ASXL3: variants seen among roughly 807,000 people sequenced by gnomAD.
The protein encoded by ASXL3 is ASXL transcriptional regulator 3, also known as putative Polycomb group protein ASXL3.
Under a neutral mutation model 170.6 loss-of-function variants are expected in ASXL3, and 34 were observed. The ratio of observed to expected loss-of-function variants is 0.20; its 90% CI spans 0.15 to 0.27. The LOEUF is 0.27. Among genes scored for constraint, ASXL3 ranks in the 10% least tolerant of loss-of-function variants. The pLI is 1.00. For synonymous variants in ASXL3, 1,002 were observed against 989.1 expected, an observed-to-expected ratio of 1.01 and a Z score of -0.24; for missense variants, 2,592 against 2,695.3, an observed-to-expected ratio of 0.96 and a Z score of 0.85.
chr18:33,604,278 A>G (rs2065219815), intron 1 of ASXL3, among the ~76,000 whole-genome samples: 1 of 152,078 alleles, frequency 6.6e-6, no homozygotes, highest in African/African-American at 2.4e-5. Flanking sequence ...TGTATTAGCA[A>G]TAGAACGTGG....
intron 8 of ASXL3, among the ~76,000 whole-genome samples, chr18:33,720,924 T>C (rs2067247468): frequency 6.6e-6 from 1 of 152,142 alleles, no homozygotes; most frequent in Non-Finnish European, 1.5e-5. Flanking sequence ...TAATATTGAA[T>C]GAAAGCTTAA....
intron 1 of ASXL3, 56 bp from the exon 2 acceptor site, chr18:33,607,538 T>G: frequency 7.3e-7 from 1 of 1,365,852 alleles, no homozygotes; most frequent in Non-Finnish European, 1.0e-6. Context: ...TTCACATACA[T>G]TTTCATTTTG....
intron 7 of ASXL3, among the ~76,000 whole-genome samples, chr18:33,676,371 C>A (rs1568321565): frequency 6.6e-6 from 1 of 151,996 alleles, no homozygotes. Flanking sequence ...TGCCCATGGC[C>A]AGGGTTATGT....
At chr18:33,656,076 A>G (rs1012444278) in intron 4 of ASXL3, among the ~76,000 whole-genome samples, 1 of 152,094 alleles carries the variant, frequency 6.6e-6, no homozygotes, top group African/African-American at 2.4e-5. Flanking sequence ...GTGCAACTGA[A>G]TGATTCATCA....
intron 8 of ASXL3, 146 bp from the exon 9 acceptor site, chr18:33,731,822 T>C (rs2067452344): frequency 3.4e-6 from 2 of 595,150 alleles, no homozygotes; most frequent in South Asian, 2.2e-5. Flanking sequence ...GCTCTCTCTC[T>C]CCCTTCTCCT....
chr18:33,670,593 A>G (rs2066324982), intron 5 of ASXL3, 80 bp from the exon 6 acceptor site: 1 of 1,073,730 alleles, frequency 9.3e-7, no homozygotes, highest in Non-Finnish European at 1.3e-6. Context: ...GTAATGATGG[A>G]CAAATGAGTC....
chr18:33,745,454 G>C lies in ASXL3; in HGVS notation c.5606G>C (p.Gly1869Ala). ...ATCAGTTCCGGCATCAGTCAGCTAG[G>C]ACACAGCCAGCCATTTAAGCAAGAA... is the stretch of plus-strand genomic sequence containing the variant. ...CVISSGISQL[G>A]HSQPFKQEWL... is the part of the protein sequence containing the mutation. The change falls in exon 12 of 12, where the codon GGA (glycine) becomes GCA (alanine). Residue 1869 changes from glycine (G) to alanine (A), a missense_variant. Around this residue, in one of 4 missense-constraint regions of ASXL3, gnomAD observed 2,246 missense variants for 2,219.6 expected, o/e 1.01. Coordinates refer to ENST00000269197, the MANE Select transcript of ASXL3 (RefSeq NM_030632.3). The C allele has an allele frequency of 6.2e-7, 1 of 1,613,966 alleles. No individual in the cohort carries two copies. Among genetic ancestry groups the C allele is most frequent in the Non-Finnish European group, 8.5e-7 (1 of 1,179,886 alleles).
At chr18:33,723,168 A>G (rs1193077847) in intron 8 of ASXL3, among the ~76,000 whole-genome samples, 1 of 152,198 alleles carries the variant, frequency 6.6e-6, no homozygotes, top group African/African-American at 2.4e-5. Context: ...TCTGCAGCAT[A>G]TGGATCAAGG....
At chr18:33,644,771 AG>A (rs1166701016) in intron 2 of ASXL3, 122 bp from the exon 3 acceptor site, 1 of 530,078 alleles carries the variant, frequency 1.9e-6, no homozygotes, top group Non-Finnish European at 3.1e-6. Context: ...AGGCATGCAA[AG>A]AGGTCTTTTT....
intron 2 of ASXL3, among the ~76,000 whole-genome samples, chr18:33,634,250 CT>C: frequency 6.6e-6 from 1 of 150,750 alleles, no homozygotes; most frequent in Non-Finnish European, 1.5e-5. Context: ...TTTTTTTCTG[CT>C]TTGAAAATAC....
At chr18:33,705,465 A>G (rs1463209801) in intron 8 of ASXL3, among the ~76,000 whole-genome samples, 1 of 151,780 alleles carries the variant, frequency 6.6e-6, no homozygotes, top group East Asian at 1.9e-4. Context: ...ACAAACTTCT[A>G]ATTTATATAA....
chr18:33,609,949 A>G (rs1259917725), intron 2 of ASXL3, among the ~76,000 whole-genome samples: 1 of 151,862 alleles, frequency 6.6e-6, no homozygotes, highest in Non-Finnish European at 1.5e-5. Flanking sequence ...ATGGTAATCC[A>G]TTACTTATGG....
intron 7 of ASXL3, among the ~76,000 whole-genome samples, chr18:33,676,040 C>A (rs1275403736): frequency 6.6e-6 from 1 of 151,448 alleles, no homozygotes; most frequent in Non-Finnish European, 1.5e-5. Context: ...CTGGCTAACA[C>A]AGTGAAACCC....
rs780377546 is a variant in ASXL3, at chr18:33,744,566, C to T, written c.4718C>T (p.Thr1573Ile). The T allele has an allele frequency of 6.2e-7, 1 of 1,611,536 alleles. No individual in the cohort carries two copies. Among genetic ancestry groups the T allele is most frequent in the Admixed American group, 1.7e-5 (1 of 59,768 alleles). The change falls in exon 12 of 12, where the codon ACT becomes ATT. Residue 1573 changes from threonine (T) to isoleucine (I), a missense_variant. Thr to Ile is a moderately conservative substitution (Grantham distance 89). Coordinates refer to ENST00000269197, the MANE Select transcript of ASXL3 (RefSeq NM_030632.3). ...GTTCCAGATAAATTAAATGAGCCGA[C>T]TGCTCCCAGTCATAACTTTGCTGAG... The part of the protein sequence containing the change: ...PLVPDKLNEP[T>I]APSHNFAEQA...
intron 8 of ASXL3, among the ~76,000 whole-genome samples, chr18:33,710,317 T>C (rs141412049): frequency 4.6e-5 from 7 of 152,258 alleles, no homozygotes; most frequent in African/African-American, 1.7e-4. Flanking sequence ...GTGTTATTTT[T>C]CCCCCACTTG....
chr18:33,718,422 A>G (rs1191013744), intron 8 of ASXL3, among the ~76,000 whole-genome samples: 1 of 152,136 alleles, frequency 6.6e-6, no homozygotes, highest in Admixed American at 6.6e-5. Context: ...CCACAAATCT[A>G]TCAGCTTAAA....
chr18:33,723,221 T>C (rs1217495403), intron 8 of ASXL3, among the ~76,000 whole-genome samples: 3 of 152,144 alleles, frequency 2.0e-5, no homozygotes, highest in Admixed American at 2.0e-4. Flanking sequence ...GAAATGCATT[T>C]TCTAAGGCTG....
rs761433001 is a variant in ASXL3 at position 33,739,322 on chromosome 18, T to G, written c.1918T>G (p.Cys640Gly). The part of the protein sequence containing the change: ...GETQSTSEES[C>G]TPASLETTFC... ...AACACAGTCCACATCAGAAGAATCA[T>G]GTACTCCAGCCTCCCTTGAGACAAC... The change falls in exon 11 of 12, where the codon TGT becomes GGT. Residue 640 changes from cysteine to glycine, a missense_variant. Physicochemically the swap from Cys to Gly is radical, Grantham distance 159. Coordinates refer to ENST00000269197, the MANE Select transcript of ASXL3 (RefSeq NM_030632.3). 2 of 1,613,552 alleles carry G rather than the reference T, an allele frequency of 1.2e-6. No homozygotes were observed. The highest frequency in any genetic ancestry group is 1.1e-5 in the South Asian group (1 of 91,004).
At chr18:33,650,142 A>G (rs1322880821) in intron 4 of ASXL3, among the ~76,000 whole-genome samples, 1 of 152,170 alleles carries the variant, frequency 6.6e-6, no homozygotes, top group African/African-American at 2.4e-5. Context: ...CAGCATGGAT[A>G]TTGAAACAGA....
Sources: allele counts gnomAD v4.1 joint callset (sites outside exome capture counted in the v4.1 genomes callset), GRCh38; gene constraint gnomAD v4.1.1; regional missense constraint gnomAD v4.1.1; transcripts MANE v1.5; gene names NCBI Gene and HGNC (gene_info 2026-07-23, HGNC 2026-07-21).